Variants in RABGAP1L observed in about 807,000 individuals in gnomAD.
RABGAP1L encodes the protein RAB GTPase activating protein 1 like.
In RABGAP1L, 63 loss-of-function variants were observed where a neutral mutation model predicts 137.7. The observed-to-expected ratio is 0.46, with a 90% CI of 0.37 to 0.56. The LOEUF (loss-of-function observed/expected upper bound fraction) is 0.56. RABGAP1L is among the 20% of genes least tolerant of loss of function. The pLI is 0.00. For synonymous variants in RABGAP1L, 431 were observed against 433.7 expected, an observed-to-expected ratio of 0.99 and a Z score of 0.08; for missense variants, 1,095 against 1,244.0, an observed-to-expected ratio of 0.88 and a Z score of 1.80.
intron 13 of RABGAP1L, among the ~76,000 whole-genome samples, chr1:174,438,748 A>G (rs1212875687): frequency 1.2e-3 from 141 of 114,464 alleles, no homozygotes; most frequent in African/African-American, 6.5e-3. Flanking sequence ...GTGTGTGTAT[A>G]TATATATATA....
At position 174,588,827 on chromosome 1, in the gene RABGAP1L, C is replaced by T. The variant is rs1292608775; in HGVS notation, c.1711-48548C>T. On this transcript the variant is annotated intron_variant, in intron 13 of 25. Coordinates refer to ENST00000681986, the MANE Select transcript of RABGAP1L (RefSeq NM_001366446.1). The stretch of plus-strand genomic sequence containing the variant: ...AGTACTCCATTGTGTACATGTACCA[C>T]ATTTTCTTTATCCATTCATCTGTTG... 2.6e-5 allele frequency among the ~76,000 whole-genome samples: 4 copies of T among 152,248 alleles called. No individual in the cohort carries two copies. In the South Asian group the frequency reaches 6.2e-4, roughly 24 times the overall value.
intron 13 of RABGAP1L, among the ~76,000 whole-genome samples, chr1:174,507,589 A>G (rs756726002): frequency 6.6e-6 from 1 of 152,072 alleles, no homozygotes; most frequent in Non-Finnish European, 1.5e-5. Context: ...ACTTCTTTTT[A>G]CCATAGCTGC....
intron 2 of RABGAP1L, 62 bp downstream of exon 2, chr1:174,219,357 G>A: frequency 2.5e-6 from 3 of 1,207,672 alleles, no homozygotes; most frequent in East Asian, 2.9e-5. Flanking sequence ...AAACTTAGGA[G>A]ATGTGTAAAA....
At chr1:174,414,910 G>GA (rs147319148) in intron 13 of RABGAP1L, among the ~76,000 whole-genome samples, 30,867 of 149,692 alleles carry the variant, frequency 0.21, 3,442 homozygotes, top group Admixed American at 0.24. Context: ...CTATCAAATA[G>GA]AAAAAAAAAT....
chr1:174,869,031 C>T (rs1573586976), intron 19 of RABGAP1L, among the ~76,000 whole-genome samples: 1 of 152,162 alleles, frequency 6.6e-6, no homozygotes, highest in African/African-American at 2.4e-5. Flanking sequence ...TTCTCGTATA[C>T]TGAGAACCTC....
intron 13 of RABGAP1L, among the ~76,000 whole-genome samples, chr1:174,460,806 T>G (rs1227899823): frequency 6.6e-6 from 1 of 151,966 alleles, no homozygotes; most frequent in East Asian, 1.9e-4. Context: ...TCTTTGCAAT[T>G]TTTTTTCTTC....
At chr1:174,664,241 G>A (rs1001211960) in intron 14 of RABGAP1L, among the ~76,000 whole-genome samples, 1 of 152,104 alleles carries the variant, frequency 6.6e-6, no homozygotes, top group Non-Finnish European at 1.5e-5. Context: ...TAGAACATAA[G>A]TATTAAGAAT....
intron 13 of RABGAP1L, among the ~76,000 whole-genome samples, chr1:174,519,216 A>G (rs1293622394): frequency 6.9e-6 from 1 of 144,236 alleles, no homozygotes; most frequent in Admixed American, 7.1e-5. Context: ...ATACATATAT[A>G]TATACACACA....
chr1:174,622,682 C>A (rs940530931), intron 13 of RABGAP1L, among the ~76,000 whole-genome samples: 2 of 152,130 alleles, frequency 1.3e-5, no homozygotes, highest in African/African-American at 4.8e-5. Context: ...GGAAGGGGAA[C>A]ATCACACTCC....
intron 12 of RABGAP1L, among the ~76,000 whole-genome samples, chr1:174,371,949 A>C (rs1258720739): frequency 2.0e-5 from 3 of 152,188 alleles, no homozygotes; most frequent in Admixed American, 2.0e-4. Flanking sequence ...CAACGGTTGG[A>C]ATACTGATGA....
At chr1:174,596,521 A>G (rs1462171704) in intron 13 of RABGAP1L, among the ~76,000 whole-genome samples, 1 of 152,054 alleles carries the variant, frequency 6.6e-6, no homozygotes, top group East Asian at 1.9e-4. Flanking sequence ...CAGATTGTTC[A>G]TTGTTGGCAT....
chr1:174,358,273 T>A (rs1683812368), intron 11 of RABGAP1L, among the ~76,000 whole-genome samples: 1 of 152,188 alleles, frequency 6.6e-6, no homozygotes, highest in African/African-American at 2.4e-5. Flanking sequence ...GCTTCCCAAA[T>A]TCCCAATCAG....
intron 7 of RABGAP1L, among the ~76,000 whole-genome samples, chr1:174,266,923 A>G (rs928340125): frequency 2.0e-5 from 3 of 152,196 alleles, no homozygotes; most frequent in African/African-American, 7.2e-5. Flanking sequence ...CAAAATGAAG[A>G]CAGAATGAGA....
chr1:174,561,589 T>G (rs932081973), intron 13 of RABGAP1L, among the ~76,000 whole-genome samples: 6 of 152,118 alleles, frequency 3.9e-5, no homozygotes, highest in African/African-American at 1.4e-4. Context: ...GGAGGCATCA[T>G]GCTACCTTAC....
At chr1:174,915,664 C>G (rs923566737) in intron 19 of RABGAP1L, among the ~76,000 whole-genome samples, 1 of 152,164 alleles carries the variant, frequency 6.6e-6, no homozygotes, top group African/African-American at 2.4e-5. Context: ...ACCATGTTGG[C>G]CAGGATCATC....
At chr1:174,523,227 A>T (rs1663582272) in intron 13 of RABGAP1L, among the ~76,000 whole-genome samples, 1 of 152,196 alleles carries the variant, frequency 6.6e-6, no homozygotes, top group Non-Finnish European at 1.5e-5. Flanking sequence ...TTCAATGAAC[A>T]CAACTGTCAA....
At chr1:174,189,418 C>T (rs892733275) in intron 1 of RABGAP1L, among the ~76,000 whole-genome samples, 1 of 152,228 alleles carries the variant, frequency 6.6e-6, no homozygotes, top group African/African-American at 2.4e-5. Flanking sequence ...ACTGCAGCTT[C>T]TGTTACTGTA....
At chr1:174,317,043 G>A (rs948910990) in intron 11 of RABGAP1L, among the ~76,000 whole-genome samples, 1 of 151,986 alleles carries the variant, frequency 6.6e-6, no homozygotes, top group Non-Finnish European at 1.5e-5. Context: ...TCAGGGCAGT[G>A]GGCTCCCCAT....
intron 2 of RABGAP1L, among the ~76,000 whole-genome samples, chr1:174,219,947 A>G (rs947908364): frequency 1.5e-4 from 23 of 152,352 alleles, no homozygotes; most frequent in African/African-American, 2.2e-4. Context: ...AGTATTAACT[A>G]TGGCATCAAA....
Sources: gnomAD v4.1 joint callset for allele counts (sites outside exome capture counted in the v4.1 genomes callset) on GRCh38, gnomAD v4.1.1 for gene constraint, MANE v1.5 for transcripts, NCBI Gene and HGNC (gene_info 2026-07-23, HGNC 2026-07-21) for gene names.